Variants in ADGRL3 observed in about 807,000 individuals in gnomAD.
ADGRL3 encodes calcium-independent alpha-latrotoxin receptor 3.
ADGRL3 carries 62 observed loss-of-function variants against 153.5 expected under a neutral mutation model. That is an observed-to-expected ratio of 0.40 (90% CI 0.33 to 0.50). ADGRL3 has a LOEUF of 0.50. ADGRL3 is among the 20% of genes least tolerant of loss of function. ADGRL3 has a pLI of 0.47. For missense variants in ADGRL3, 1,641 were observed against 1,859.4 expected, an observed-to-expected ratio of 0.88 and a Z score of 2.16; for synonymous variants, 710 against 672.5, an observed-to-expected ratio of 1.06 and a Z score of -0.86.
intron 2 of ADGRL3, among the ~76,000 whole-genome samples, chr4:61,410,105 T>G (rs1395538035): frequency 6.6e-6 from 1 of 152,050 alleles, no homozygotes. Flanking sequence ...TGAAAGTTTT[T>G]TTTTCTAGTA....
At chr4:61,640,880 G>T (rs1012522820) in intron 5 of ADGRL3, among the ~76,000 whole-genome samples, 5 of 152,110 alleles carry the variant, frequency 3.3e-5, no homozygotes, top group Admixed American at 6.6e-5. Context: ...ACCAGAATTT[G>T]AGAGAACAAG....
chr4:61,811,390 A>G (rs188231855), intron 8 of ADGRL3, among the ~76,000 whole-genome samples: 2 of 152,194 alleles, frequency 1.3e-5, no homozygotes, highest in South Asian at 2.1e-4. Flanking sequence ...ATATACAAAC[A>G]TATATTTTAT....
At chr4:61,714,337 T>C (rs932671680) in intron 6 of ADGRL3, among the ~76,000 whole-genome samples, 4 of 151,474 alleles carry the variant, frequency 2.6e-5, no homozygotes, top group Non-Finnish European at 5.9e-5. Flanking sequence ...GGTGAATGTA[T>C]TGTATTGTTT....
At chr4:61,225,437 T>C (rs1747506476) in intron 1 of ADGRL3, among the ~76,000 whole-genome samples, 1 of 152,208 alleles carries the variant, frequency 6.6e-6, no homozygotes, top group Non-Finnish European at 1.5e-5. Context: ...CACTTGCCTG[T>C]CTCTATTCTG....
chr4:61,745,598 C>G (rs937688486), intron 8 of ADGRL3, among the ~76,000 whole-genome samples: 11 of 152,088 alleles, frequency 7.2e-5, no homozygotes, highest in African/African-American at 1.9e-4. Context: ...AATTTCATAT[C>G]CAGCCAAACT....
intron 4 of ADGRL3, among the ~76,000 whole-genome samples, chr4:61,575,017 T>C (rs917201970): frequency 6.6e-6 from 1 of 151,914 alleles, no homozygotes; most frequent in Non-Finnish European, 1.5e-5. Flanking sequence ...TAAAAATCTC[T>C]TTAAAAATGT....
intron 2 of ADGRL3, among the ~76,000 whole-genome samples, chr4:61,418,545 T>C (rs1044675724): frequency 2.0e-5 from 3 of 150,732 alleles, no homozygotes; most frequent in African/African-American, 7.4e-5. Flanking sequence ...TTTCTTCCTA[T>C]TGATACTTTC....
chr4:61,292,284 T>C (rs751124955), intron 1 of ADGRL3, among the ~76,000 whole-genome samples: 12 of 152,052 alleles, frequency 7.9e-5, no homozygotes, highest in Admixed American at 2.6e-4. Context: ...AGACAGTAAA[T>C]TTAATTTTGT....
chr4:61,456,425 ATATCTATATATATAGATATATC>A (rs1560664714), intron 2 of ADGRL3, among the ~76,000 whole-genome samples: 4 of 59,308 alleles, frequency 6.7e-5, no homozygotes, highest in South Asian at 1.0e-3. Context: ...AGATATATCT[ATATCTATATATATAGATATATC>A]TATATCTATA....
chr4:61,616,234 A>G (rs2091987853), intron 5 of ADGRL3, among the ~76,000 whole-genome samples: 1 of 152,194 alleles, frequency 6.6e-6, no homozygotes, highest in African/African-American at 2.4e-5. Flanking sequence ...TGGAACTATA[A>G]CAGTATTAGA....
chr4:61,860,085 C>T (rs190678336), intron 9 of ADGRL3, among the ~76,000 whole-genome samples: 1 of 152,274 alleles, frequency 6.6e-6, no homozygotes, highest in East Asian at 1.9e-4. Context: ...AAAGCTTCTG[C>T]TGCAGGGCAT....
chr4:61,999,915 G>A (rs951559136), intron 21 of ADGRL3, among the ~76,000 whole-genome samples: 18 of 152,224 alleles, frequency 1.2e-4, no homozygotes, highest in African/African-American at 3.6e-4. Flanking sequence ...ATATTACTTA[G>A]TTGAGATAAT....
At chr4:62,045,110 G>A (rs997747270) in intron 25 of ADGRL3, among the ~76,000 whole-genome samples, 8 of 151,824 alleles carry the variant, frequency 5.3e-5, no homozygotes, top group African/African-American at 1.9e-4. Flanking sequence ...GTGCTCCCTG[G>A]GTGGCATTTA....
chr4:61,969,216 G>A (rs1020520901), intron 17 of ADGRL3, among the ~76,000 whole-genome samples: 6 of 152,172 alleles, frequency 3.9e-5, no homozygotes, highest in East Asian at 1.9e-4. Flanking sequence ...GGAACAAAAT[G>A]ATAATGAATG....
chr4:61,217,587 T>A (rs539503730), intron 1 of ADGRL3, among the ~76,000 whole-genome samples: 34 of 152,322 alleles, frequency 2.2e-4, no homozygotes, highest in African/African-American at 7.2e-4. Context: ...AATATTAAAT[T>A]TCAGGATGCC....
intron 9 of ADGRL3, among the ~76,000 whole-genome samples, chr4:61,885,779 G>C (rs979486533): frequency 1.3e-5 from 2 of 152,122 alleles, no homozygotes; most frequent in Non-Finnish European, 2.9e-5. Flanking sequence ...AGCTATGTAA[G>C]CTCGGGGGAA....
chr4:61,297,468 T>G (rs1286431171), intron 1 of ADGRL3, among the ~76,000 whole-genome samples: 1 of 152,182 alleles, frequency 6.6e-6, no homozygotes, highest in African/African-American at 2.4e-5. Flanking sequence ...AAATAAATTT[T>G]TAATTTATTG....
chr4:61,586,605 T>A, intron 4 of ADGRL3, among the ~76,000 whole-genome samples: 1 of 151,322 alleles, frequency 6.6e-6, no homozygotes, highest in African/African-American at 2.4e-5. Flanking sequence ...AATTGGGAGG[T>A]CTCCACATGG....
At chr4:61,743,640 T>C (rs939912822) in intron 8 of ADGRL3, among the ~76,000 whole-genome samples, 1 of 152,234 alleles carries the variant, frequency 6.6e-6, no homozygotes, top group African/African-American at 2.4e-5. Flanking sequence ...TTAAGACTTC[T>C]GTATTTTATG....
Sources: gnomAD v4.1 joint callset for allele counts (sites outside exome capture counted in the v4.1 genomes callset) on GRCh38, gnomAD v4.1.1 for gene constraint, MANE v1.5 for transcripts, NCBI Gene and HGNC (gene_info 2026-07-23, HGNC 2026-07-21) for gene names.